PRIM2: variants seen among roughly 807,000 people sequenced by gnomAD.
The protein encoded by PRIM2 is DNA primase subunit 2, also known as DNA primase large subunit.
In PRIM2, 39 loss-of-function variants were observed where a neutral mutation model predicts 67.3. That is an observed-to-expected ratio of 0.58 (90% CI 0.45 to 0.76). The LOEUF (loss-of-function observed/expected upper bound fraction) is 0.76, where lower values mean the gene tolerates loss of function less well. PRIM2 is among the 30% of genes least tolerant of loss of function. PRIM2 has a pLI of 0.00. For synonymous variants in PRIM2, 143 were observed against 198.7 expected (o/e 0.72, Z 2.36); for missense variants, 398 against 598.7 (o/e 0.66, Z 3.50).
intron 7 of PRIM2, among the ~76,000 whole-genome samples, chr6:57,424,133 G>A (rs563165333): frequency 1.3e-5 from 2 of 152,202 alleles, no homozygotes; most frequent in South Asian, 2.1e-4. Flanking sequence ...AAACAAAACT[G>A]GGACCTAATT....
rs1202894377 is a variant in PRIM2 at position 57,543,100 on chromosome 6, C to T, written c.1020+5475C>T. 7.1e-3 allele frequency among the ~76,000 whole-genome samples: 1,058 copies of T among 148,468 alleles called. 13 individuals are homozygous for T. The highest frequency in any genetic ancestry group is 0.018 in the African/African-American group (713 of 39,802). On this transcript the variant is annotated intron_variant, in intron 10 of 13. Coordinates refer to ENST00000615550, the MANE Select transcript of PRIM2 (RefSeq NM_000947.5). ...GACTACAGGCGCCCGCCACCTCGCC[C>T]GGCTAAGTTTTTGTATTTTTAGTAG...
the PRIM2 span, among the ~76,000 whole-genome samples, chr6:57,288,250 A>C: frequency 6.6e-6 from 1 of 151,670 alleles, no homozygotes; most frequent in Non-Finnish European, 1.5e-5. Context: ...TGAGGCTTGA[A>C]TAGGCGGTTT....
intron 5 of PRIM2, among the ~76,000 whole-genome samples, chr6:57,368,856 G>T (rs947593626): frequency 1.3e-5 from 2 of 152,138 alleles, no homozygotes; most frequent in African/African-American, 4.8e-5. Flanking sequence ...TTTGTTCCTT[G>T]TTCATATTCT....
At chr6:57,458,944 G>A (rs9475991) in intron 7 of PRIM2, among the ~76,000 whole-genome samples, 6 of 152,330 alleles carry the variant, frequency 3.9e-5, no homozygotes, top group South Asian at 2.1e-4. Flanking sequence ...GACCTGCAGC[G>A]TTGAGCAGAG....
chr6:57,640,417 T>C (rs1335290682), intron 13 of PRIM2, among the ~76,000 whole-genome samples: 7 of 151,990 alleles, frequency 4.6e-5, no homozygotes, highest in Non-Finnish European at 8.8e-5. Flanking sequence ...AAATAAAGGG[T>C]ATTCAAATAG....
intron 13 of PRIM2, among the ~76,000 whole-genome samples, chr6:57,639,924 A>G (rs1376577998): frequency 6.6e-6 from 1 of 151,910 alleles, no homozygotes; most frequent in African/African-American, 2.4e-5. Flanking sequence ...TGGCAGAGAC[A>G]CAACAAAAAA....
chr6:57,470,706 G>A (rs1160675976), intron 7 of PRIM2, among the ~76,000 whole-genome samples: 5 of 151,902 alleles, frequency 3.3e-5, no homozygotes, highest in African/African-American at 1.2e-4. Context: ...AATTTGGTAG[G>A]ATTAAAACAC....
chr6:57,519,947 G>C (rs1207312447), intron 8 of PRIM2, among the ~76,000 whole-genome samples: 1 of 152,166 alleles, frequency 6.6e-6, no homozygotes, highest in Admixed American at 6.5e-5. Flanking sequence ...CTGACTTCCC[G>C]CAACAACTTA....
Position 57,481,076 on chromosome 6 carries a change from G to A in PRIM2, c.694-26311G>A, listed in dbSNP as rs1486829735. ...TTCTCACTTCACTCAGTTTGCCCGAGTGGTTACATCTTACATTAACTATAT... is the reference window on the plus strand; with the variant it reads ...TTCTCACTTCACTCAGTTTGCCCGAATGGTTACATCTTACATTAACTATAT... On this transcript the variant is annotated intron_variant, in intron 7 of 13. Coordinates refer to ENST00000615550, the MANE Select transcript of PRIM2 (RefSeq NM_000947.5). 8.5e-5 allele frequency among the ~76,000 whole-genome samples: 13 copies of A among 152,300 alleles called. No homozygotes were observed. The East Asian group carries it at 2.5e-3, about 29-fold the overall frequency.
intron 7 of PRIM2, among the ~76,000 whole-genome samples, chr6:57,438,312 T>C (rs1421066834): frequency 6.6e-6 from 1 of 152,206 alleles, no homozygotes; most frequent in African/African-American, 2.4e-5. Context: ...GAATTGTTAC[T>C]GTTTGTGGCT....
chr6:57,406,750 A>G (rs1770904585), intron 7 of PRIM2, among the ~76,000 whole-genome samples: 1 of 152,170 alleles, frequency 6.6e-6, no homozygotes, highest in African/African-American at 2.4e-5. Context: ...GCTGTTTTGT[A>G]TAAAATCTTA....
chr6:57,279,283 T>C, the PRIM2 span, among the ~76,000 whole-genome samples: 5 of 152,222 alleles, frequency 3.3e-5, no homozygotes, highest in Admixed American at 6.5e-5. Context: ...TTTTTTCTTT[T>C]TTTAACTTAT....
At chr6:57,497,649 A>G (rs1431964303) in intron 7 of PRIM2, 1 of 152,216 alleles carries the variant, frequency 6.6e-6, no homozygotes, top group Non-Finnish European at 1.5e-5. Context: ...TTGCTTGACA[A>G]GGTCGTTGGT....
chr6:57,428,666 T>A (rs1771711943), intron 7 of PRIM2, among the ~76,000 whole-genome samples: 1 of 152,164 alleles, frequency 6.6e-6, no homozygotes, highest in Non-Finnish European at 1.5e-5. Flanking sequence ...GCTTGTTGCA[T>A]AACCTCTAAA....
At chr6:57,250,739 G>A in the PRIM2 span, among the ~76,000 whole-genome samples, 3 of 152,084 alleles carry the variant, frequency 2.0e-5, no homozygotes, top group Non-Finnish European at 4.4e-5. Context: ...CTTGGTGGGC[G>A]AGCAAAAAGT....
chr6:57,467,125 A>AAAG (rs1773222434), intron 7 of PRIM2, among the ~76,000 whole-genome samples: 1 of 149,292 alleles, frequency 6.7e-6, no homozygotes, highest in Non-Finnish European at 1.5e-5. Flanking sequence ...AAAAAAGAAA[A>AAAG]GAAAAAAAGA....
Position 57,572,081 on chromosome 6 carries a change from A to AT in PRIM2, c.1021-29006dup, listed in dbSNP as rs1305791510. 2.7e-3 allele frequency among the ~76,000 whole-genome samples: 407 copies of AT among 152,186 alleles called. 8 individuals carry two copies. The South Asian group carries it at 0.031, about 12-fold the overall frequency. On this transcript the variant is annotated intron_variant, in intron 10 of 13. Transcript: ENST00000615550. ...TCCAACTACAATTTTTAAATCCTAG[A>AT]TTTTTTCTAACTTATGCCTCTTATT...
chr6:57,534,230 T>C (rs1462576560), intron 9 of PRIM2, among the ~76,000 whole-genome samples: 3 of 152,166 alleles, frequency 2.0e-5, no homozygotes, highest in African/African-American at 7.2e-5. Context: ...CTGCCTTCCA[T>C]TGTTACAGCT....
the PRIM2 span, among the ~76,000 whole-genome samples, chr6:57,253,921 A>G: frequency 6.6e-6 from 1 of 152,212 alleles, no homozygotes; most frequent in African/African-American, 2.4e-5. Context: ...TTGAAATCCC[A>G]GTCTCACAGG....
Sources: allele counts gnomAD v4.1 joint callset (sites outside exome capture counted in the v4.1 genomes callset), GRCh38; gene constraint gnomAD v4.1.1; transcripts MANE v1.5; gene names NCBI Gene and HGNC (gene_info 2026-07-23, HGNC 2026-07-21).